The following GRID2 variants were observed in gnomAD, a reference collection of about 807,000 sequenced individuals.
GRID2 encodes the protein glutamate receptor ionotropic, delta-2.
Under a neutral mutation model 114.8 loss-of-function variants are expected in GRID2, and 33 were observed. That is an observed-to-expected ratio of 0.29 (90% confidence interval 0.22 to 0.38). The LOEUF is 0.38. Among genes scored for constraint, GRID2 ranks in the 10% least tolerant of loss-of-function variants. GRID2 has a pLI of 1.00. For synonymous variants in GRID2, 505 were observed against 449.9 expected, an observed-to-expected ratio of 1.12 and a Z score of -1.55; for missense variants, 1,184 against 1,257.7, an observed-to-expected ratio of 0.94 and a Z score of 0.89.
chr4:92,342,725 T>C (rs1168215121), intron 1 of GRID2, among the ~76,000 whole-genome samples: 2 of 152,232 alleles, frequency 1.3e-5, no homozygotes, highest in African/African-American at 4.8e-5. Flanking sequence ...ATATTGATTG[T>C]CACTGTGAAG....
Position 92,844,540 on chromosome 4 carries a change from A to AATCATCATC in GRID2, c.245-240445_245-240437dup, listed in dbSNP as rs368354187. 2.8e-3 allele frequency among the ~76,000 whole-genome samples: 418 copies of AATCATCATC among 151,860 alleles called. 2 individuals are homozygous for AATCATCATC. Among genetic ancestry groups the AATCATCATC allele is most frequent in the African/African-American group, 9.5e-3 (395 of 41,390 alleles). On this transcript the variant is annotated intron_variant, in intron 2 of 15. Coordinates refer to ENST00000282020, the MANE Select transcript of GRID2 (RefSeq NM_001510.4). The stretch of plus-strand genomic sequence containing the variant: ...GGCGACAGAGTGAGACTCTGTCTCT[A>AATCATCATC]ATCATCATCATCATCATCCACCTTT...
intron 13 of GRID2, among the ~76,000 whole-genome samples, chr4:93,598,132 T>C (rs1739292090): frequency 6.6e-6 from 1 of 152,186 alleles, no homozygotes; most frequent in Non-Finnish European, 1.5e-5. Flanking sequence ...AAACTTAAGC[T>C]CGTTGAAGTT....
At chr4:92,433,688 TG>T (rs1170136344) in intron 1 of GRID2, among the ~76,000 whole-genome samples, 4 of 152,244 alleles carry the variant, frequency 2.6e-5, no homozygotes, top group African/African-American at 9.6e-5. Flanking sequence ...AACCAGGTAC[TG>T]TGATTGATCA....
chr4:93,175,641 GCTCAATTTTCATACATAAAA>G (rs1739285180), intron 4 of GRID2, among the ~76,000 whole-genome samples: 1 of 152,054 alleles, frequency 6.6e-6, no homozygotes, highest in African/African-American at 2.4e-5. Flanking sequence ...ACTCCTTAAA[GCTCAATTTTCATACATAAAA>G]CTCCTAGAGA....
intron 2 of GRID2, among the ~76,000 whole-genome samples, chr4:92,672,123 A>T (rs1733103434): frequency 6.6e-6 from 1 of 152,182 alleles, no homozygotes; most frequent in Non-Finnish European, 1.5e-5. Context: ...AGGAAATTTC[A>T]AACATATTCA....
rs943584200 is a variant in GRID2, at chr4:92,690,337, G to T, written c.244+100051G>T. Among the ~76,000 whole-genome samples, 5 of 152,228 alleles carry T rather than the reference G, an allele frequency of 3.3e-5. No individual in the cohort carries two copies. In the East Asian group the frequency reaches 9.7e-4, roughly 29 times the overall value. ...GTCTGAGGAGAGGGAGAGAGACATG[G>T]GAACAGTTGGTAAGTGGAGCTGTCA... is the stretch of plus-strand genomic sequence containing the variant. On this transcript the variant is annotated intron_variant, in intron 2 of 15. Coordinates refer to ENST00000282020, the MANE Select transcript of GRID2 (RefSeq NM_001510.4).
chr4:93,767,150 A>G (rs534822404), intron 14 of GRID2, among the ~76,000 whole-genome samples: 3 of 152,232 alleles, frequency 2.0e-5, no homozygotes, highest in African/African-American at 7.2e-5. Flanking sequence ...AATGAAGGTC[A>G]TAAGTTTGGG....
At chr4:92,450,059 T>G (rs1720820811) in intron 1 of GRID2, among the ~76,000 whole-genome samples, 1 of 152,066 alleles carries the variant, frequency 6.6e-6, no homozygotes, top group Non-Finnish European at 1.5e-5. Flanking sequence ...AATTTCAGCT[T>G]TGTTTTCAAC....
chr4:92,452,653 T>A (rs371330395), intron 1 of GRID2, among the ~76,000 whole-genome samples: 103 of 152,092 alleles, frequency 6.8e-4, no homozygotes, highest in African/African-American at 2.4e-3. Flanking sequence ...GTAAGTTTTT[T>A]ATGAAGTTTT....
intron 2 of GRID2, among the ~76,000 whole-genome samples, chr4:92,703,645 A>ATAT (rs1734794212): frequency 1.4e-5 from 2 of 146,384 alleles, no homozygotes; most frequent in South Asian, 2.1e-4. Context: ...ATATATATAT[A>ATAT]AAATCATGAG....
intron 13 of GRID2, among the ~76,000 whole-genome samples, chr4:93,538,978 A>G (rs1732384501): frequency 6.6e-6 from 1 of 151,914 alleles, no homozygotes; most frequent in South Asian, 2.1e-4. Flanking sequence ...CAAATGTACC[A>G]TAGTAATGTA....
At position 92,649,478 on chromosome 4, in the gene GRID2, G is replaced by T. The variant is rs558285108; in HGVS notation, c.244+59192G>T. Among the ~76,000 whole-genome samples, 224 of 151,348 alleles carry T rather than the reference G, an allele frequency of 1.5e-3. 2 individuals carry two copies. The highest frequency in any genetic ancestry group is 2.5e-3 in the Non-Finnish European group (171 of 67,854). ...GGATGATGCCCACCCACATTGGTGA[G>T]GGCAGATCTTTACCCCATCTACTGA... On this transcript the variant is annotated intron_variant, in intron 2 of 15. Transcript: ENST00000282020.
At chr4:92,371,740 G>T (rs1429971273) in intron 1 of GRID2, among the ~76,000 whole-genome samples, 1 of 152,106 alleles carries the variant, frequency 6.6e-6, no homozygotes, top group Non-Finnish European at 1.5e-5. Context: ...ATAGATGAAG[G>T]AGTAATTTTA....
At chr4:92,411,003 A>G (rs976353209) in intron 1 of GRID2, among the ~76,000 whole-genome samples, 1 of 152,076 alleles carries the variant, frequency 6.6e-6, no homozygotes, top group Non-Finnish European at 1.5e-5. Context: ...AAAAGCAGCC[A>G]CTGGTTTTCA....
At chr4:93,493,793 T>C (rs1427716425) in intron 12 of GRID2, among the ~76,000 whole-genome samples, 1 of 151,866 alleles carries the variant, frequency 6.6e-6, no homozygotes, top group Non-Finnish European at 1.5e-5. Context: ...CACATCATGT[T>C]TCCCTCAAGT....
At chr4:93,574,811 G>T (rs1305437907) in intron 13 of GRID2, among the ~76,000 whole-genome samples, 9 of 152,172 alleles carry the variant, frequency 5.9e-5, no homozygotes, top group Non-Finnish European at 1.3e-4. Flanking sequence ...AGTTGTCTCA[G>T]TTATCTGTGG....
intron 1 of GRID2, among the ~76,000 whole-genome samples, chr4:92,404,919 G>A (rs990050619): frequency 1.3e-5 from 2 of 152,128 alleles, no homozygotes; most frequent in African/African-American, 4.8e-5. Flanking sequence ...AATAGCTAAT[G>A]CATGAGAGTC....
chr4:92,959,754 A>G (rs1474401927), intron 2 of GRID2, among the ~76,000 whole-genome samples: 1 of 152,076 alleles, frequency 6.6e-6, no homozygotes, highest in African/African-American at 2.4e-5. Flanking sequence ...CTATGCAGGA[A>G]CAGAAAATCA....
In GRID2 at chr4:92,682,456, A is replaced by G. The variant is rs562789324; in HGVS notation, c.244+92170A>G. 1.4e-4 allele frequency among the ~76,000 whole-genome samples: 21 copies of G among 152,276 alleles called. No homozygotes were observed. In the South Asian group the frequency reaches 3.7e-3, roughly 27 times the overall value. On this transcript the variant is annotated intron_variant, in intron 2 of 15. Coordinates refer to ENST00000282020, the MANE Select transcript of GRID2 (RefSeq NM_001510.4). ...AAAGCCTTTGATGCGATTTTGATCT[A>G]CAGTAAGCTTTGAGAACTACTGGTC...
Sources: allele counts gnomAD v4.1 joint callset (sites outside exome capture counted in the v4.1 genomes callset), GRCh38; gene constraint gnomAD v4.1.1; transcripts MANE v1.5; gene names NCBI Gene and HGNC (gene_info 2026-07-23, HGNC 2026-07-21).